Variants in CPAP observed in about 807,000 individuals in gnomAD.
The protein encoded by CPAP is centrosome assembly and centriole elongation protein.
chr13:24,923,868 G>A, the CPAP span, among the ~76,000 whole-genome samples: 1 of 151,484 alleles, frequency 6.6e-6, no homozygotes. Context: ...TCGCTCTGTT[G>A]CCCAGGCTGG....
the CPAP span, among the ~76,000 whole-genome samples, chr13:24,920,947 G>A: frequency 6.6e-6 from 1 of 152,032 alleles, no homozygotes; most frequent in Admixed American, 6.6e-5. Flanking sequence ...TGTATATGAA[G>A]CTGAAGAACA....
At chr13:24,889,755 C>A in the CPAP span, among the ~76,000 whole-genome samples, 26 of 152,212 alleles carry the variant, frequency 1.7e-4, no homozygotes, top group African/African-American at 6.3e-4. Flanking sequence ...ACTCCCACTC[C>A]CACTGGGACA....
the CPAP span, among the ~76,000 whole-genome samples, chr13:24,914,997 C>T: frequency 1.3e-5 from 2 of 151,924 alleles, no homozygotes; most frequent in African/African-American, 2.4e-5. Context: ...ATCGCCTGAA[C>T]CTGGGAGGCA....
At chr13:24,890,414 G>T in the CPAP span, among the ~76,000 whole-genome samples, 1 of 152,108 alleles carries the variant, frequency 6.6e-6, no homozygotes, top group Non-Finnish European at 1.5e-5. Flanking sequence ...CACGCTCACA[G>T]CTGACATGGC....
the CPAP span, among the ~76,000 whole-genome samples, chr13:24,922,558 A>T: frequency 2.6e-5 from 4 of 152,346 alleles, no homozygotes; most frequent in South Asian, 8.3e-4. Context: ...CGAAGAACAA[A>T]GCAGCGCGAA....
chr13:24,903,951 G>A, the CPAP span: 75 of 1,613,902 alleles, frequency 4.6e-5, no homozygotes, highest in Non-Finnish European at 6.0e-5. Flanking sequence ...GCACTTTCTC[G>A]TTCAATGCGA....
At chr13:24,923,664 G>A in the CPAP span, among the ~76,000 whole-genome samples, 1 of 152,130 alleles carries the variant, frequency 6.6e-6, no homozygotes, top group Non-Finnish European at 1.5e-5. Context: ...ATCAAATGAA[G>A]TGCCATTTAT....
the CPAP span, among the ~76,000 whole-genome samples, chr13:24,927,237 C>T: frequency 6.6e-6 from 1 of 152,242 alleles, no homozygotes; most frequent in East Asian, 1.9e-4. Context: ...CTAATAGTGG[C>T]CACTGTTGTA....
At chr13:24,887,415 C>T in the CPAP span, among the ~76,000 whole-genome samples, 16 of 152,208 alleles carry the variant, frequency 1.1e-4, no homozygotes, top group Admixed American at 3.3e-4. Context: ...CCATCACTCG[C>T]ATTACCACCT....
chr13:24,926,591 C>T, the CPAP span, among the ~76,000 whole-genome samples: 2 of 152,152 alleles, frequency 1.3e-5, no homozygotes, highest in Non-Finnish European at 2.9e-5. Flanking sequence ...ACCTGACCGC[C>T]TCCTCCTCCC....
At chr13:24,903,968 G>C in the CPAP span, 2 of 1,614,052 alleles carry the variant, frequency 1.2e-6, no homozygotes, top group Non-Finnish European at 1.7e-6. Flanking sequence ...GCGAAGTTTA[G>C]CTAAAGATGC....
the CPAP span, among the ~76,000 whole-genome samples, chr13:24,923,149 C>T: frequency 6.6e-6 from 1 of 152,136 alleles, no homozygotes; most frequent in Non-Finnish European, 1.5e-5. Flanking sequence ...CCTAACGGAG[C>T]GATGGATCTC....
chr13:24,882,304 A>G, the CPAP span: 2 of 151,372 alleles, frequency 1.3e-5, no homozygotes, highest in Admixed American at 1.3e-4. Flanking sequence ...TATTTTTCAT[A>G]TTCAGTTAAG....
chr13:24,931,678 G>GTATTTCTAACTAGTTACAAAAATA, the CPAP span, among the ~76,000 whole-genome samples: 1 of 152,076 alleles, frequency 6.6e-6, no homozygotes, highest in Non-Finnish European at 1.5e-5. Flanking sequence ...GCAGATAAAT[G>GTATTTCTAACTAGTTACAAAAATA]TATTTCTAAC....
the CPAP span, chr13:24,899,720 C>T: frequency 1.4e-6 from 1 of 719,566 alleles, no homozygotes; most frequent in African/African-American, 1.7e-5. Context: ...ACAGCCAATC[C>T]ACTCACTAAA....
At chr13:24,898,643 A>C in the CPAP span, among the ~76,000 whole-genome samples, 4 of 152,200 alleles carry the variant, frequency 2.6e-5, no homozygotes, top group African/African-American at 9.6e-5. Context: ...AGGAGAATTA[A>C]AGACCCTGAA....
the CPAP span, among the ~76,000 whole-genome samples, chr13:24,915,276 T>C: frequency 6.6e-6 from 1 of 151,956 alleles, no homozygotes; most frequent in Non-Finnish European, 1.5e-5. Flanking sequence ...ATGCGGAAGA[T>C]GGAGGATTGA....
chr13:24,919,718 T>G, the CPAP span, among the ~76,000 whole-genome samples: 1 of 148,430 alleles, frequency 6.7e-6, no homozygotes, highest in Admixed American at 6.7e-5. Context: ...CTGCGCCCAG[T>G]ATTTTATGTC....
the CPAP span, among the ~76,000 whole-genome samples, chr13:24,915,146 T>C: frequency 1.3e-5 from 2 of 152,120 alleles, no homozygotes; most frequent in Admixed American, 6.6e-5. Context: ...GACCAAACTA[T>C]ACAATCTACT....
Sources: gnomAD v4.1 joint callset for allele counts (sites outside exome capture counted in the v4.1 genomes callset) on GRCh38, gnomAD v4.1.1 for gene constraint, MANE v1.5 for transcripts, NCBI Gene and HGNC (gene_info 2026-07-23, HGNC 2026-07-21) for gene names.